The following SLC28A3 variants were observed in gnomAD, a reference collection of about 807,000 sequenced individuals.
SLC28A3 encodes the protein concentrative Na(+)-nucleoside cotransporter 3.
SLC28A3 carries 68 observed loss-of-function variants against 84.2 expected under a neutral mutation model. The ratio of observed to expected loss-of-function variants is 0.81; its 90% CI spans 0.66 to 0.99. The LOEUF (loss-of-function observed/expected upper bound fraction) is 0.99. Ranked by LOEUF, SLC28A3 falls within the 50% of genes least tolerant of loss-of-function variation. The pLI, the probability that SLC28A3 is intolerant of heterozygous loss-of-function variation, is 0.00. For missense variants in SLC28A3, 712 were observed against 841.5 expected, an observed-to-expected ratio of 0.85 and a Z score of 1.90; for synonymous variants, 267 against 303.6, an observed-to-expected ratio of 0.88 and a Z score of 1.25.
chr9:84,364,005 G>A, the SLC28A3 span, among the ~76,000 whole-genome samples: 1 of 151,806 alleles, frequency 6.6e-6, no homozygotes, highest in Non-Finnish European at 1.5e-5. Flanking sequence ...ATATTTATGG[G>A]GTACATGAGA....
the SLC28A3 span, among the ~76,000 whole-genome samples, chr9:84,355,082 T>C: frequency 4.6e-5 from 7 of 151,924 alleles, no homozygotes; most frequent in East Asian, 3.8e-4. Flanking sequence ...GGATAATCAA[T>C]TGGAATTAAA....
At chr9:84,278,721 T>C (rs1824617418) in intron 17 of SLC28A3, among the ~76,000 whole-genome samples, 1 of 152,132 alleles carries the variant, frequency 6.6e-6, no homozygotes, top group African/African-American at 2.4e-5. Context: ...TCGTGTTGTC[T>C]GGACAGCCTG....
intron 3 of SLC28A3, among the ~76,000 whole-genome samples, chr9:84,308,637 G>A (rs919760505): frequency 6.6e-6 from 1 of 151,934 alleles, no homozygotes; most frequent in Non-Finnish European, 1.5e-5. Flanking sequence ...CTCTAAAAAA[G>A]AAAAAAGAAA....
chr9:84,305,479 A>G, intron 3 of SLC28A3, 134 bp from the exon 4 acceptor site: 1 of 730,288 alleles, frequency 1.4e-6, no homozygotes, highest in Non-Finnish European at 2.3e-6. Flanking sequence ...GTCTTACAAA[A>G]TAGAAATGGG....
At chr9:84,334,529 G>A (rs372540197) in intron 1 of SLC28A3, among the ~76,000 whole-genome samples, 28 of 152,270 alleles carry the variant, frequency 1.8e-4, no homozygotes, top group African/African-American at 6.3e-4. Context: ...TGGACCCTGA[G>A]GGATGGCAAT....
At chr9:84,309,758 T>TG (rs767398477) in intron 2 of SLC28A3, 44 bp from the exon 3 acceptor site, 1 of 1,528,520 alleles carries the variant, frequency 6.5e-7, no homozygotes, top group East Asian at 2.3e-5. Context: ...ATGAGCATCC[T>TG]GGGCATAATG....
intron 14 of SLC28A3, 84 bp from the exon 15 acceptor site, chr9:84,280,966 A>G: frequency 1.6e-6 from 2 of 1,251,940 alleles, no homozygotes; most frequent in South Asian, 2.5e-5. Flanking sequence ...CATTTTGACC[A>G]TAAATTCAAT....
chr9:84,364,120 CTTTTT>C, the SLC28A3 span, among the ~76,000 whole-genome samples: 1 of 85,290 alleles, frequency 1.2e-5, no homozygotes, highest in Non-Finnish European at 2.1e-5. Context: ...CAGTTACACT[CTTTTT>C]TTTTTTTTTT....
rs200468466 is a variant in SLC28A3, at chr9:84,280,821, C to T, written c.1709G>A (p.Gly570Glu). The T allele has an allele frequency of 6.2e-7, 1 of 1,614,004 alleles. No homozygotes were observed. Among genetic ancestry groups the T allele is most frequent in the East Asian group, 2.2e-5 (1 of 44,884 alleles). ...LCGFANIGSL[G>E]IVIGGLTSMA... ...CTTACTGAGTCCGCCGATCACGATT[C>T]CTAGGGACCCGATATTGGCAAAACC... is the stretch of plus-strand genomic sequence containing the variant. Residue 570 changes from glycine (G) to glutamate (E), a missense_variant, in exon 15 of 18, where the codon GGA (glycine) becomes GAA (glutamate). Gly to Glu is a moderately conservative substitution (Grantham distance 98). Transcript: ENST00000376238.
At position 84,292,712 on chromosome 9, in the gene SLC28A3, G is replaced by A. The variant is rs866646441; in HGVS notation, c.979C>T (p.Pro327Ser). ...WIMLVTTGSS[P>S]IESVVASGNI... ...CCAGAAGCAACTACAGATTCAATAG[G>A]AGATGATCCCGTAGTAACTAGCATG... Residue 327 changes from proline to serine, a missense_variant, in exon 10 of 18, where the codon CCT (proline) becomes TCT (serine). By Grantham distance (74) the Pro-to-Ser change is moderately conservative. Coordinates refer to ENST00000376238, the MANE Select transcript of SLC28A3 (RefSeq NM_001199633.2). The A allele has an allele frequency of 6.2e-7, 1 of 1,607,704 alleles. No homozygotes were observed. Among genetic ancestry groups the A allele is most frequent in the Non-Finnish European group, 8.5e-7 (1 of 1,177,822 alleles).
chr9:84,325,026 A>G (rs147659251), intron 1 of SLC28A3, among the ~76,000 whole-genome samples: 1,785 of 152,338 alleles, frequency 0.012, 32 homozygotes, highest in African/African-American at 0.041. Flanking sequence ...CTGAGTCCAC[A>G]GAATTTACAA....
At chr9:84,311,785 G>T (rs564516411) in intron 2 of SLC28A3, among the ~76,000 whole-genome samples, 117 of 152,322 alleles carry the variant, frequency 7.7e-4, no homozygotes, top group African/African-American at 2.4e-3. Context: ...GAACCCGGGA[G>T]GTGGAGACTG....
chr9:84,362,673 A>G, the SLC28A3 span, among the ~76,000 whole-genome samples: 3 of 151,548 alleles, frequency 2.0e-5, no homozygotes, highest in African/African-American at 7.3e-5. Context: ...AAATAAATAA[A>G]TAAATAAATA....
chr9:84,352,847 C>A, the SLC28A3 span, among the ~76,000 whole-genome samples: 10 of 136,952 alleles, frequency 7.3e-5, no homozygotes, highest in East Asian at 2.1e-3. Context: ...GAGCCAAGAT[C>A]GCACGACTGA....
chr9:84,314,191 T>C (rs190626200), intron 1 of SLC28A3, among the ~76,000 whole-genome samples: 3 of 152,260 alleles, frequency 2.0e-5, no homozygotes, highest in Non-Finnish European at 4.4e-5. Context: ...CTGGCAGTAA[T>C]GGTCATAAGA....
chr9:84,319,532 T>C (rs1313881506), intron 1 of SLC28A3, among the ~76,000 whole-genome samples: 1 of 152,152 alleles, frequency 6.6e-6, no homozygotes, highest in Non-Finnish European at 1.5e-5. Context: ...AAAAATTATT[T>C]TGTAAAAAGT....
chr9:84,331,294 T>C (rs1027414601), intron 1 of SLC28A3, among the ~76,000 whole-genome samples: 2 of 152,162 alleles, frequency 1.3e-5, no homozygotes, highest in African/African-American at 4.8e-5. Flanking sequence ...TCTTGAGCAA[T>C]GTGAAAGAGT....
chr9:84,308,870 A>T (rs1051339777), intron 3 of SLC28A3, among the ~76,000 whole-genome samples: 1 of 152,156 alleles, frequency 6.6e-6, no homozygotes, highest in Non-Finnish European at 1.5e-5. Context: ...TGCGTCTCCT[A>T]CCTTACGGAG....
chr9:84,352,892 C>CAAAAAAAAAAAAAAAAAAAAAAAAAAA, the SLC28A3 span, among the ~76,000 whole-genome samples: 1 of 72,810 alleles, frequency 1.4e-5, no homozygotes. Context: ...GATTCTGTCT[C>CAAAAAAAAAAAAAAAAAAAAAAAAAAA]AAAAAAAAAA....
Sources: gnomAD v4.1 joint callset for allele counts (sites outside exome capture counted in the v4.1 genomes callset) on GRCh38, gnomAD v4.1.1 for gene constraint, MANE v1.5 for transcripts, NCBI Gene and HGNC (gene_info 2026-07-23, HGNC 2026-07-21) for gene names.